The following ATP2B2 variants were observed in gnomAD, a reference collection of about 807,000 sequenced individuals.
ATP2B2 encodes ATPase plasma membrane Ca2+ transporting 2, also known as plasma membrane calcium-transporting ATPase 2.
A neutral mutation model predicts 120.0 loss-of-function variants in ATP2B2; 15 were observed. The ratio of observed to expected loss-of-function variants is 0.12; its 90% CI spans 0.08 to 0.19. The LOEUF is 0.19. ATP2B2 is among the 10% of genes least tolerant of loss of function. The pLI is 1.00. For missense variants in ATP2B2, 1,045 were observed against 1,719.8 expected (o/e 0.61, Z 6.94); for synonymous variants, 694 against 700.3 (o/e 0.99, Z 0.14).
chr3:10,572,470 T>G (rs762355153), intron 2 of ATP2B2, among the ~76,000 whole-genome samples: 1 of 152,256 alleles, frequency 6.6e-6, no homozygotes, highest in Non-Finnish European at 1.5e-5. Context: ...TTAATGCTGC[T>G]GAACCACACA....
intron 1 of ATP2B2, among the ~76,000 whole-genome samples, chr3:10,666,658 G>T (rs1354269605): frequency 6.6e-6 from 1 of 152,238 alleles, no homozygotes; most frequent in Non-Finnish European, 1.5e-5. Context: ...TGAGCACATA[G>T]TAAGATGGGT....
intron 5 of ATP2B2, among the ~76,000 whole-genome samples, chr3:10,396,592 G>C (rs1468641206): frequency 1.3e-5 from 2 of 152,228 alleles, no homozygotes; most frequent in South Asian, 2.1e-4. Context: ...GTCTGGTTGT[G>C]CATAAAAATG....
chr3:10,454,248 A>G (rs889596126), intron 1 of ATP2B2, among the ~76,000 whole-genome samples: 1 of 152,244 alleles, frequency 6.6e-6, no homozygotes, highest in Non-Finnish European at 1.5e-5. Context: ...GTGGACACAC[A>G]AAGCAGGAAG....
chr3:10,689,485 A>C (rs1169421814), intron 1 of ATP2B2, among the ~76,000 whole-genome samples: 1 of 152,212 alleles, frequency 6.6e-6, no homozygotes, highest in Non-Finnish European at 1.5e-5. Context: ...ACACAAAACA[A>C]AGAAAACATG....
At chr3:10,668,861 T>C (rs1455365591) in intron 1 of ATP2B2, among the ~76,000 whole-genome samples, 1 of 152,162 alleles carries the variant, frequency 6.6e-6, no homozygotes, top group African/African-American at 2.4e-5. Context: ...ATGGGCAGCA[T>C]ACAGTAGGCA....
At chr3:10,628,584 G>A (rs2069773846) in intron 1 of ATP2B2, among the ~76,000 whole-genome samples, 1 of 151,790 alleles carries the variant, frequency 6.6e-6, no homozygotes, top group Non-Finnish European at 1.5e-5. Flanking sequence ...TAGTGAAAGT[G>A]ATGGCATTCA....
intron 8 of ATP2B2, among the ~76,000 whole-genome samples, chr3:10,380,612 G>A (rs1437916729): frequency 3.3e-5 from 5 of 152,286 alleles, no homozygotes; most frequent in South Asian, 2.1e-4. Context: ...CCCAAAGTGC[G>A]TGCCTACTTC....
chr3:10,706,256 T>C (rs573945842), intron 1 of ATP2B2, among the ~76,000 whole-genome samples: 1 of 152,274 alleles, frequency 6.6e-6, no homozygotes, highest in Admixed American at 6.5e-5. Context: ...ATAGTACCCC[T>C]GGGGGAAGGA....
intron 1 of ATP2B2, among the ~76,000 whole-genome samples, chr3:10,461,940 C>T (rs192439286): frequency 2.0e-4 from 30 of 152,286 alleles, no homozygotes; most frequent in African/African-American, 4.6e-4. Flanking sequence ...TCCCTGCCCA[C>T]GGCTGATGGC....
At chr3:10,685,646 T>G (rs1425542246) in intron 1 of ATP2B2, among the ~76,000 whole-genome samples, 2 of 152,234 alleles carry the variant, frequency 1.3e-5, no homozygotes, top group Admixed American at 6.5e-5. Flanking sequence ...ATGTGGCTGC[T>G]TCCACCCAGA....
At position 10,585,493 on chromosome 3, in the gene ATP2B2, G is replaced by GAAAAAAAAAAAAAAA. The variant is rs60670471; in HGVS notation, c.-415+34409_-415+34423dup. ...TGGGCGACAGAGCGAGACTCCGTCTGAAAAAAAAAAAAAAAAAAAAAAAAG... is the reference window on the plus strand; with the variant it reads ...TGGGCGACAGAGCGAGACTCCGTCTGAAAAAAAAAAAAAAAAAAAAAAAAAAAAAAAAAAAAAAAG... On this transcript the variant is annotated intron_variant, in intron 2 of 21. Coordinates refer to the ATP2B2 transcript ENST00000646379. 1.3e-3 allele frequency among the ~76,000 whole-genome samples: 37 copies of GAAAAAAAAAAAAAAA among 28,506 alleles called. 1 individual carries two copies. Among genetic ancestry groups the GAAAAAAAAAAAAAAA allele is most frequent in the South Asian group, 6.2e-3 (2 of 324 alleles). The allele number at this position is 28,506 out of a possible 152,430, so 18.7% of individuals were successfully genotyped here.
chr3:10,615,091 G>C lies in ATP2B2; in HGVS notation c.-415+4826C>G, dbSNP rs554097922. ...GGACACAGAGAACAGGGGGCTGGTG[G>C]GATCAGAGGCCAGAGGTGAAGGCAG... On this transcript the variant is annotated intron_variant, in intron 2 of 21. Coordinates refer to the ATP2B2 transcript ENST00000646379. 5.3e-5 allele frequency among the ~76,000 whole-genome samples: 8 copies of C among 152,250 alleles called. No individual in the cohort carries two copies. The South Asian group carries it at 1.7e-3, about 32-fold the overall frequency.
At chr3:10,423,652 A>C (rs988383948) in intron 2 of ATP2B2, among the ~76,000 whole-genome samples, 2 of 152,166 alleles carry the variant, frequency 1.3e-5, no homozygotes, top group Non-Finnish European at 2.9e-5. Flanking sequence ...TCCATGGTTG[A>C]GCGCAGACAA....
chr3:10,479,908 T>C (rs572614384), intron 1 of ATP2B2, among the ~76,000 whole-genome samples: 1 of 152,244 alleles, frequency 6.6e-6, no homozygotes, highest in Non-Finnish European at 1.5e-5. Flanking sequence ...CTGGGCAACA[T>C]GACAAAATCT....
intron 1 of ATP2B2, among the ~76,000 whole-genome samples, chr3:10,658,414 T>G (rs865907451): frequency 6.6e-6 from 1 of 152,148 alleles, no homozygotes; most frequent in African/African-American, 2.4e-5. Flanking sequence ...CTGATGGAGC[T>G]GAAAACCATG....
chr3:10,559,427 C>G lies in ATP2B2; in HGVS notation c.-414-25294G>C, dbSNP rs910603500. Among the ~76,000 whole-genome samples the G allele has an allele frequency of 2.6e-5, 4 of 151,852 alleles. No individual in the cohort carries two copies. The East Asian group carries it at 7.7e-4, about 29-fold the overall frequency. On this transcript the variant is annotated intron_variant, in intron 2 of 21. Coordinates refer to the ATP2B2 transcript ENST00000646379. ...ACAGAGAAATGATAAACGTTTGGGG[C>G]GATGGATATGCTAATTACCCTGATC...
intron 1 of ATP2B2, among the ~76,000 whole-genome samples, chr3:10,482,972 G>A (rs1418979692): frequency 1.3e-5 from 2 of 152,206 alleles, no homozygotes; most frequent in Admixed American, 1.3e-4. Context: ...AGCAGGCACT[G>A]TATTTTCTAC....
At chr3:10,672,502 T>C (rs1463412463) in intron 1 of ATP2B2, among the ~76,000 whole-genome samples, 1 of 152,238 alleles carries the variant, frequency 6.6e-6, no homozygotes, top group African/African-American at 2.4e-5. Context: ...CCCAGCCCAG[T>C]GGCCTCTGTC....
chr3:10,649,182 C>A (rs1270557292), intron 1 of ATP2B2, among the ~76,000 whole-genome samples: 3 of 152,162 alleles, frequency 2.0e-5, no homozygotes, highest in African/African-American at 7.2e-5. Context: ...GTGCTGAGAT[C>A]ACAGGTGTGA....
Sources: allele counts gnomAD v4.1 joint callset (sites outside exome capture counted in the v4.1 genomes callset), GRCh38; gene constraint gnomAD v4.1.1; transcripts MANE v1.5; gene names NCBI Gene and HGNC (gene_info 2026-07-23, HGNC 2026-07-21).